ULK4: variants seen among roughly 807,000 people sequenced by gnomAD.
The protein encoded by ULK4 is unc-51 like kinase 4.
A neutral mutation model predicts 160.6 loss-of-function variants in ULK4; 133 were observed. The observed-to-expected ratio is 0.83, with a 90% CI of 0.72 to 0.96. The LOEUF is 0.96. Among genes scored for constraint, ULK4 ranks in the 40% least tolerant of loss-of-function variants. ULK4 has a pLI of 0.00. For missense variants in ULK4, 1,580 were observed against 1,499.5 expected (o/e 1.05, Z -0.89); for synonymous variants, 534 against 539.8 (o/e 0.99, Z 0.15).
At chr3:41,947,697 T>G (rs767830264) in intron 2 of ULK4, among the ~76,000 whole-genome samples, 6 of 152,238 alleles carry the variant, frequency 3.9e-5, no homozygotes, top group Non-Finnish European at 8.8e-5. Context: ...GAAATGCTTC[T>G]GCAAGGTATG....
intron 20 of ULK4, among the ~76,000 whole-genome samples, chr3:41,792,858 T>C (rs2040191102): frequency 6.6e-6 from 1 of 152,200 alleles, no homozygotes; most frequent in Admixed American, 6.5e-5. Flanking sequence ...TTCAGTGATG[T>C]GGTTTTTAAA....
chr3:41,389,076 G>T (rs956666823), intron 35 of ULK4, among the ~76,000 whole-genome samples: 3 of 151,948 alleles, frequency 2.0e-5, no homozygotes, highest in Admixed American at 6.6e-5. Context: ...AGTTCTCCTT[G>T]AAGAGGTCCT....
At chr3:41,584,452 C>T (rs2030634107) in intron 31 of ULK4, among the ~76,000 whole-genome samples, 1 of 152,084 alleles carries the variant, frequency 6.6e-6, no homozygotes, top group Non-Finnish European at 1.5e-5. Flanking sequence ...CCACTATGCT[C>T]AGCTAATTAA....
chr3:41,706,127 A>T (rs1307402319), intron 25 of ULK4, among the ~76,000 whole-genome samples: 1 of 151,826 alleles, frequency 6.6e-6, no homozygotes, highest in Non-Finnish European at 1.5e-5. Context: ...CCTTTGCCGG[A>T]TGACTCCCAT....
At chr3:41,264,494 C>T (rs2078996147) in intron 35 of ULK4, among the ~76,000 whole-genome samples, 1 of 152,204 alleles carries the variant, frequency 6.6e-6, no homozygotes, top group South Asian at 2.1e-4. Context: ...ATAAGCCACG[C>T]ATTTTAGACC....
At chr3:41,250,285 TCTA>T (rs1413587048) in intron 35 of ULK4, among the ~76,000 whole-genome samples, 18 of 152,196 alleles carry the variant, frequency 1.2e-4, no homozygotes, top group African/African-American at 4.3e-4. Context: ...AGGCTTTGAT[TCTA>T]CTATTAGACT....
chr3:41,676,028 A>G (rs1057154317), intron 29 of ULK4, among the ~76,000 whole-genome samples: 5 of 152,174 alleles, frequency 3.3e-5, no homozygotes, highest in African/African-American at 1.2e-4. Context: ...CCTCTAGACA[A>G]GGACTCAGCC....
chr3:41,882,790 T>C (rs1212265565), intron 17 of ULK4, among the ~76,000 whole-genome samples: 1 of 152,164 alleles, frequency 6.6e-6, no homozygotes, highest in Non-Finnish European at 1.5e-5. Context: ...CTCCTACAGC[T>C]ACTCCATCTC....
intron 17 of ULK4, among the ~76,000 whole-genome samples, chr3:41,837,395 CCT>C (rs2041790290): frequency 6.6e-6 from 1 of 152,064 alleles, no homozygotes; most frequent in Non-Finnish European, 1.5e-5. Flanking sequence ...TTACTTCTTT[CCT>C]CTCCTCCCCA....
intron 17 of ULK4, among the ~76,000 whole-genome samples, chr3:41,842,990 C>A (rs1208947104): frequency 6.6e-6 from 1 of 152,164 alleles, no homozygotes; most frequent in African/African-American, 2.4e-5. Context: ...AAAAAGTGAA[C>A]CTTGACCTAA....
At chr3:41,828,275 C>T (rs934236247) in intron 18 of ULK4, among the ~76,000 whole-genome samples, 1 of 145,160 alleles carries the variant, frequency 6.9e-6, no homozygotes, top group Non-Finnish European at 1.5e-5. Flanking sequence ...TCCTATTCAA[C>T]ATAGTGTTGG....
chr3:41,274,254 G>T (rs1485897084), intron 35 of ULK4, among the ~76,000 whole-genome samples: 1 of 151,980 alleles, frequency 6.6e-6, no homozygotes, highest in African/African-American at 2.4e-5. Context: ...GGGTAAATTT[G>T]GGCCCTATTA....
At chr3:41,827,302 C>T (rs2125641172) in intron 18 of ULK4, among the ~76,000 whole-genome samples, 1 of 151,514 alleles carries the variant, frequency 6.6e-6, no homozygotes, top group African/African-American at 2.4e-5. Flanking sequence ...CAAGAAATAA[C>T]TAAGATCAGA....
intron 17 of ULK4, among the ~76,000 whole-genome samples, chr3:41,837,954 T>C (rs2041808120): frequency 1.3e-5 from 2 of 152,220 alleles, no homozygotes; most frequent in Non-Finnish European, 2.9e-5. Context: ...TAATACATCA[T>C]CTAGATGAAG....
At chr3:41,925,572 A>G (rs1220528517) in intron 5 of ULK4, among the ~76,000 whole-genome samples, 1 of 152,126 alleles carries the variant, frequency 6.6e-6, no homozygotes, top group Admixed American at 6.5e-5. Context: ...CTGCCCTGGA[A>G]AGGGGGCCAA....
intron 34 of ULK4, 136 bp from the exon 35 acceptor site, chr3:41,398,400 T>C: frequency 3.7e-6 from 3 of 815,712 alleles, no homozygotes; most frequent in East Asian, 5.7e-5. Context: ...TTTTTTTTTT[T>C]TGAGACAGGG....
At chr3:41,708,519 G>C (rs951510764) in intron 25 of ULK4, among the ~76,000 whole-genome samples, 8 of 152,148 alleles carry the variant, frequency 5.3e-5, no homozygotes, top group Non-Finnish European at 1.2e-4. Context: ...CAGGGACTGG[G>C]GGTAGGGGAA....
At chr3:41,676,112 C>A (rs1209844822) in intron 29 of ULK4, among the ~76,000 whole-genome samples, 1 of 152,088 alleles carries the variant, frequency 6.6e-6, no homozygotes, top group Non-Finnish European at 1.5e-5. Context: ...GACTTCTGAC[C>A]TATGGAGCTG....
intron 35 of ULK4, among the ~76,000 whole-genome samples, chr3:41,308,220 A>G (rs1222525287): frequency 6.6e-6 from 1 of 152,158 alleles, no homozygotes; most frequent in African/African-American, 2.4e-5. Context: ...ACACATGTGC[A>G]TGCACATGTA....
Sources: gnomAD v4.1 joint callset for allele counts (sites outside exome capture counted in the v4.1 genomes callset) on GRCh38, gnomAD v4.1.1 for gene constraint, MANE v1.5 for transcripts, NCBI Gene and HGNC (gene_info 2026-07-23, HGNC 2026-07-21) for gene names.